Variants in SMC5 observed in about 807,000 individuals in gnomAD.
SMC5 encodes the protein structural maintenance of chromosomes protein 5.
SMC5 carries 88 observed loss-of-function variants against 148.3 expected under a neutral mutation model. The observed-to-expected ratio is 0.59, with a 90% CI of 0.50 to 0.71. The LOEUF (loss-of-function observed/expected upper bound fraction) is 0.71, where lower values mean the gene tolerates loss of function less well. Ranked by LOEUF, SMC5 falls within the 30% of genes least tolerant of loss-of-function variation. SMC5 has a pLI of 0.00. For missense variants in SMC5, 1,142 were observed against 1,298.9 expected, an observed-to-expected ratio of 0.88 and a Z score of 1.86; for synonymous variants, 421 against 432.8, an observed-to-expected ratio of 0.97 and a Z score of 0.34.
At chr9:70,268,062 A>C in intron 3 of SMC5, 87 bp downstream of exon 3, 2 of 996,056 alleles carry the variant, frequency 2.0e-6, no homozygotes, top group Non-Finnish European at 3.0e-6. Flanking sequence ...AAAGAGTATT[A>C]ATATAGTATT....
At chr9:70,266,436 A>G (rs558150971) in intron 2 of SMC5, among the ~76,000 whole-genome samples, 63 of 152,324 alleles carry the variant, frequency 4.1e-4, no homozygotes, top group Admixed American at 2.5e-3. Flanking sequence ...ATATTGATAT[A>G]TAGTTTTTTA....
intron 11 of SMC5, among the ~76,000 whole-genome samples, chr9:70,306,967 A>T (rs955612092): frequency 1.3e-5 from 2 of 152,230 alleles, no homozygotes; most frequent in African/African-American, 2.4e-5. Flanking sequence ...ACATACTATT[A>T]TGTGCAACAT....
intron 22 of SMC5, among the ~76,000 whole-genome samples, chr9:70,348,819 G>T (rs2036732385): frequency 6.6e-6 from 1 of 152,152 alleles, no homozygotes; most frequent in South Asian, 2.1e-4. Flanking sequence ...ACAGGCAAAG[G>T]CCAGGTGCTG....
At position 70,346,649 on chromosome 9, in the gene SMC5, G is replaced by C; in HGVS notation, c.2568G>C (p.Met856Ile). 1 of 1,613,908 alleles carries C rather than the reference G, an allele frequency of 6.2e-7. No homozygotes were observed. Among genetic ancestry groups the C allele is most frequent in the Non-Finnish European group, 8.5e-7 (1 of 1,179,880 alleles). The change falls in exon 19 of 25, where the codon ATG (methionine) becomes ATC (isoleucine). Residue 856 changes from methionine to isoleucine, a missense_variant and splice_region_variant. By Grantham distance (10) the Met-to-Ile change is conservative (BLOSUM62 1). Coordinates refer to ENST00000361138, the MANE Select transcript of SMC5 (RefSeq NM_015110.4). The stretch of plus-strand genomic sequence containing the variant: ...ATGGACACAACTCCTCACTCCCCAT[G>C]GTATGCAGTACTCATTCTTTTTTCC... ...IPNGHNSSLP[M>I]VFQDLPNTLD...
intron 16 of SMC5, 54 bp from the exon 17 acceptor site, chr9:70,323,967 A>G: frequency 7.1e-7 from 1 of 1,401,828 alleles, no homozygotes; most frequent in Non-Finnish European, 9.5e-7. Context: ...TACATTTTTT[A>G]GTTCTAAAAC....
intron 17 of SMC5, among the ~76,000 whole-genome samples, chr9:70,332,590 AG>A (rs1279122222): frequency 2.6e-5 from 4 of 151,560 alleles, no homozygotes. Flanking sequence ...GGTGAAGAGG[AG>A]GGAATACTTC....
intron 8 of SMC5, among the ~76,000 whole-genome samples, chr9:70,288,677 A>AT (rs1354414012): frequency 6.6e-6 from 1 of 152,040 alleles, no homozygotes; most frequent in African/African-American, 2.4e-5. Context: ...AGATATTATA[A>AT]TTTTTATTTA....
chr9:70,322,692 C>G (rs1366660027), intron 15 of SMC5, among the ~76,000 whole-genome samples: 1 of 151,862 alleles, frequency 6.6e-6, no homozygotes, highest in Admixed American at 6.6e-5. Flanking sequence ...AAAAATTATC[C>G]GGGCATGGCG....
Position 70,350,249 on chromosome 9 carries a change from G to C in SMC5, c.3025G>C (p.Glu1009Gln). The change falls in exon 23 of 25, where the codon GAG becomes CAG. Residue 1009 changes from glutamate (E) to glutamine (Q), a missense_variant. Glu to Gln is a conservative substitution (Grantham distance 29, BLOSUM62 2). This residue lies in a region of SMC5 where 30 missense variants were observed against 65.3 expected (regional missense o/e 0.46). Transcript: ENST00000361138. ...CATGTTATACTTGATGGCACTTCAGGAGCTAAATAGATGTCCATTCAGAGT... is the reference window on the plus strand; with the variant it reads ...CATGTTATACTTGATGGCACTTCAGCAGCTAAATAGATGTCCATTCAGAGT... ...STMLYLMALQ[E>Q]LNRCPFRVVD... 6.2e-7 allele frequency: 1 copy of C among 1,613,386 alleles called. No individual in the cohort carries two copies. Among genetic ancestry groups the C allele is most frequent in the Non-Finnish European group, 8.5e-7 (1 of 1,179,716 alleles).
intron 3 of SMC5, among the ~76,000 whole-genome samples, chr9:70,275,987 GTCT>G (rs2034582821): frequency 6.6e-6 from 1 of 151,704 alleles, no homozygotes; most frequent in African/African-American, 2.4e-5. Flanking sequence ...TTGATGCTTT[GTCT>G]TCTTGTGTGT....
intron 17 of SMC5, among the ~76,000 whole-genome samples, chr9:70,340,010 G>T (rs2036477074): frequency 6.6e-6 from 1 of 152,032 alleles, no homozygotes; most frequent in Non-Finnish European, 1.5e-5. Flanking sequence ...ATCATTCTCT[G>T]CAGCCATAAG....
At position 70,284,450 on chromosome 9, in the gene SMC5, T is replaced by C. The variant is rs545207663; in HGVS notation, c.982-1750T>C. ...AACTAATAATTGGCAGTCGTTGTTA[T>C]GTTAATGATGGTTGGTTATAGTTAA... On this transcript the variant is annotated intron_variant, in intron 7 of 24. Coordinates refer to ENST00000361138, the MANE Select transcript of SMC5 (RefSeq NM_015110.4). Among the ~76,000 whole-genome samples the C allele has an allele frequency of 5.2e-4, 79 of 152,358 alleles. 3 individuals carry two copies. The South Asian group carries it at 0.016, about 31-fold the overall frequency.
chr9:70,315,682 C>T, intron 13 of SMC5, 104 bp downstream of exon 13: 2 of 946,180 alleles, frequency 2.1e-6, no homozygotes, highest in South Asian at 5.9e-5. Context: ...TTAAGTAAGT[C>T]TGTTGTTTTT....
chr9:70,346,735 T>A (rs1258414531), intron 19 of SMC5, 86 bp downstream of exon 19: 3 of 1,367,342 alleles, frequency 2.2e-6, no homozygotes, highest in South Asian at 2.4e-5. Context: ...GGCCCGGAGA[T>A]GAATTCTAGG....
chr9:70,259,016 T>TGGGGCGCC lies in SMC5; in HGVS notation c.-63_-62insGGGGCGCC, dbSNP rs1587603943. On this transcript the variant is annotated 5_prime_UTR_variant, in exon 1 of 25. It introduces an in-frame stop codon into an upstream open reading frame of the 5' UTR. Coordinates refer to ENST00000361138, the MANE Select transcript of SMC5 (RefSeq NM_015110.4). ...GCGGGGCGCCTGGGTGGATGGGCGCTTGGGCGCCTGGGCTGCCGGACGGTG... is the reference window on the plus strand; with the variant it reads ...GCGGGGCGCCTGGGTGGATGGGCGCTGGGGCGCCTGGGCGCCTGGGCTGCCGGACGGTG... 1.1e-5 allele frequency: 16 copies of TGGGGCGCC among 1,502,926 alleles called. No homozygotes were observed. The East Asian group carries it at 3.9e-4, about 36-fold the overall frequency. The allele number at this position is 1,502,926 out of a possible 1,614,324, so 93.1% of individuals were successfully genotyped here. A position where few individuals can be genotyped will look rare whatever the true frequency, so the allele number is the denominator to read the frequency against.
intron 3 of SMC5, among the ~76,000 whole-genome samples, chr9:70,276,977 T>TTC (rs2034610853): frequency 6.6e-6 from 1 of 152,188 alleles, no homozygotes; most frequent in Admixed American, 6.5e-5. Context: ...AGTCAATGCA[T>TTC]GTGATTGAAG....
chr9:70,270,766 C>A (rs1483263045), intron 3 of SMC5, among the ~76,000 whole-genome samples: 1 of 150,992 alleles, frequency 6.6e-6, no homozygotes, highest in East Asian at 1.9e-4. Flanking sequence ...TCCACCTCAG[C>A]CTTCCAAGTA....
At position 70,337,173 on chromosome 9, in the gene SMC5, C is replaced by T. The variant is rs565790346; in HGVS notation, c.2398-6971C>T. On this transcript the variant is annotated intron_variant, in intron 17 of 24. Coordinates refer to ENST00000361138, the MANE Select transcript of SMC5 (RefSeq NM_015110.4). ...GGGTGGGGACACAGCCAAACTATAT[C>T]AACAATACAATATTTGATTCTGGTG... 2.8e-3 allele frequency among the ~76,000 whole-genome samples: 434 copies of T among 152,282 alleles called. 7 individuals are homozygous for T. Among genetic ancestry groups the T allele is most frequent in the Middle Eastern group, 0.01 (3 of 294 alleles).
At chr9:70,349,100 ACT>A (rs1337335821) in intron 22 of SMC5, among the ~76,000 whole-genome samples, 4 of 152,238 alleles carry the variant, frequency 2.6e-5, no homozygotes, top group African/African-American at 9.6e-5. Context: ...ACAAAGTCTC[ACT>A]CTCACCCAGG....
Sources: gnomAD v4.1 joint callset for allele counts (sites outside exome capture counted in the v4.1 genomes callset) on GRCh38, gnomAD v4.1.1 for gene constraint, gnomAD v4.1.1 regional missense constraint, MANE v1.5 for transcripts, NCBI Gene and HGNC (gene_info 2026-07-23, HGNC 2026-07-21) for gene names.